Variants in MAPRE2 observed in about 807,000 individuals in gnomAD.
The protein encoded by MAPRE2 is microtubule associated protein RP/EB family member 2.
In MAPRE2, 13 loss-of-function variants were observed where a neutral mutation model predicts 43.2. That is an observed-to-expected ratio of 0.30 (90% confidence interval 0.20 to 0.48). The LOEUF is 0.48. MAPRE2 is among the 20% of genes least tolerant of loss of function. The probability of loss-of-function intolerance (pLI) is 0.99; values close to 1 mark genes in which losing one functional copy is unlikely to be tolerated. For synonymous variants in MAPRE2, 135 were observed against 148.8 expected, an observed-to-expected ratio of 0.91 and a Z score of 0.68; for missense variants, 161 against 400.2, an observed-to-expected ratio of 0.40 and a Z score of 5.10.
intron 4 of MAPRE2, among the ~76,000 whole-genome samples, chr18:35,119,305 C>T (rs1909564868): frequency 6.6e-6 from 1 of 152,208 alleles, no homozygotes; most frequent in African/African-American, 2.4e-5. Flanking sequence ...TTAGGCCTTC[C>T]ATGAAATTCC....
upstream of MAPRE2, among the ~76,000 whole-genome samples, chr18:35,038,215 C>T (rs2097051685): frequency 6.6e-6 from 1 of 152,204 alleles, no homozygotes; most frequent in Non-Finnish European, 1.5e-5. Flanking sequence ...ACCACCATCA[C>T]AAACTCAGCC....
chr18:35,027,572 C>A (rs2097045905), intron 2 of MAPRE2, among the ~76,000 whole-genome samples: 1 of 152,140 alleles, frequency 6.6e-6, no homozygotes, highest in African/African-American at 2.4e-5. Context: ...CCATGGGTGA[C>A]AACCACCTAG....
intron 1 of MAPRE2, among the ~76,000 whole-genome samples, chr18:34,996,570 C>T (rs1475807426): frequency 6.6e-6 from 1 of 152,020 alleles, no homozygotes; most frequent in Non-Finnish European, 1.5e-5. Flanking sequence ...ACTCAAGAGT[C>T]CCAGCTTCAA....
intron 4 of MAPRE2, among the ~76,000 whole-genome samples, chr18:35,105,844 T>C (rs1455550438): frequency 6.6e-6 from 1 of 152,098 alleles, no homozygotes; most frequent in African/African-American, 2.4e-5. Flanking sequence ...TTCCATTGCC[T>C]CTCAGTAGTC....
At chr18:35,113,118 G>C (rs1395650378) in intron 4 of MAPRE2, among the ~76,000 whole-genome samples, 1 of 152,104 alleles carries the variant, frequency 6.6e-6, no homozygotes, top group Non-Finnish European at 1.5e-5. Flanking sequence ...ATCTGGGGGG[G>C]AACACAAACA....
chr18:35,121,961 C>CTAG lies in MAPRE2; in HGVS notation c.611-4985_611-4983dup, dbSNP rs568908519. ...GCAGTTTTGTGAGAACATTCTTGTT[C>CTAG]TAGTGCCCAGGTAAGGGGGAAAGAG... On this transcript the variant is annotated intron_variant, in intron 4 of 6. Transcript: ENST00000300249. Among the ~76,000 whole-genome samples, 57 of 152,262 alleles carry CTAG rather than the reference C, an allele frequency of 3.7e-4. No individual in the cohort carries two copies. In the East Asian group the frequency reaches 0.011, roughly 28 times the overall value.
At chr18:35,096,189 C>T (rs1328755099) in intron 2 of MAPRE2, among the ~76,000 whole-genome samples, 2 of 152,036 alleles carry the variant, frequency 1.3e-5, no homozygotes, top group African/African-American at 2.4e-5. Context: ...AGGACTGGCT[C>T]TTCACAGAAG....
intron 2 of MAPRE2, among the ~76,000 whole-genome samples, chr18:35,080,915 TTA>T (rs1907599264): frequency 6.6e-6 from 1 of 152,160 alleles, no homozygotes; most frequent in South Asian, 2.1e-4. Flanking sequence ...TACCCAAATA[TTA>T]ATACTCATAA....
chr18:35,096,217 A>G (rs1211515060), intron 2 of MAPRE2, among the ~76,000 whole-genome samples: 1 of 152,120 alleles, frequency 6.6e-6, no homozygotes, highest in Non-Finnish European at 1.5e-5. Context: ...AGTGTAAAGG[A>G]TGAGGGGAGG....
Position 35,061,665 on chromosome 18 carries a change from C to T in MAPRE2, c.123-8530C>T, listed in dbSNP as rs1168258614. On this transcript the variant is annotated intron_variant, in intron 1 of 6. Coordinates refer to ENST00000300249, the MANE Select transcript of MAPRE2 (RefSeq NM_014268.4). ...ATTCCAGCCCTAGAATCCATGCATA[C>T]GGCAATTAGTCCACAAGTTAAACAG... 3.9e-5 allele frequency among the ~76,000 whole-genome samples: 6 copies of T among 152,290 alleles called. No homozygotes were observed. The East Asian group carries it at 5.8e-4, about 15-fold the overall frequency.
chr18:35,107,646 G>C (rs1908968396), intron 4 of MAPRE2, among the ~76,000 whole-genome samples: 1 of 152,092 alleles, frequency 6.6e-6, no homozygotes, highest in South Asian at 2.1e-4. Context: ...TTGGTCAGCG[G>C]ACCACATGCA....
chr18:35,054,243 C>T (rs181781746), intron 1 of MAPRE2, among the ~76,000 whole-genome samples: 2 of 152,312 alleles, frequency 1.3e-5, no homozygotes, highest in East Asian at 3.9e-4. Context: ...AAAGGATCGA[C>T]TGAGGGACCT....
chr18:35,036,940 A>G (rs1291285912), upstream of MAPRE2, among the ~76,000 whole-genome samples: 1 of 152,188 alleles, frequency 6.6e-6, no homozygotes, highest in Non-Finnish European at 1.5e-5. Context: ...AAAATGAACT[A>G]TAAAGAAAAA....
At chr18:35,055,918 G>A (rs1351492738) in intron 1 of MAPRE2, among the ~76,000 whole-genome samples, 2 of 150,258 alleles carry the variant, frequency 1.3e-5, no homozygotes, top group African/African-American at 2.5e-5. Flanking sequence ...TCATGCAACT[G>A]CACTGCAGCC....
chr18:35,004,039 TATTA>T (rs1176685031), intron 1 of MAPRE2, among the ~76,000 whole-genome samples: 35 of 152,344 alleles, frequency 2.3e-4, no homozygotes, highest in Admixed American at 2.3e-3. Flanking sequence ...AGCCCAAGTT[TATTA>T]ATTATTTTTG....
chr18:35,121,304 C>T (rs891536152), intron 4 of MAPRE2, among the ~76,000 whole-genome samples: 4 of 152,196 alleles, frequency 2.6e-5, no homozygotes, highest in Admixed American at 6.5e-5. Flanking sequence ...CTGACCACTC[C>T]GAATTTTTTT....
rs1398759626 is a variant in MAPRE2, at chr18:35,142,574, T to C, written c.*2205T>C. On this transcript the variant is annotated 3_prime_UTR_variant, in exon 7 of 7. Transcript: ENST00000300249. ...AGATCTCTTAGCCTGCAAAGAGAAC[T>C]TTCCCCAGTCACCATAGACCATTCT... is the stretch of plus-strand genomic sequence containing the variant. The C allele has an allele frequency of 6.6e-6, 1 of 152,250 alleles. No individual in the cohort carries two copies. Among genetic ancestry groups the C allele is most frequent in the African/African-American group, 2.4e-5 (1 of 41,448 alleles). The allele number at this position is 152,250 out of a possible 1,614,324, so 9.4% of individuals were successfully genotyped here.
chr18:35,130,065 G>A (rs1466351486), intron 5 of MAPRE2, among the ~76,000 whole-genome samples: 3 of 152,054 alleles, frequency 2.0e-5, no homozygotes, highest in Non-Finnish European at 4.4e-5. Flanking sequence ...CCTCAGCTAT[G>A]TGTTCATTGT....
intron 1 of MAPRE2, among the ~76,000 whole-genome samples, chr18:35,001,640 A>G (rs1018777382): frequency 1.3e-5 from 2 of 152,216 alleles, no homozygotes; most frequent in Non-Finnish European, 2.9e-5. Context: ...GAATAACAGC[A>G]AAGAAAATTC....
Sources: gnomAD v4.1 joint callset for allele counts (sites outside exome capture counted in the v4.1 genomes callset) on GRCh38, gnomAD v4.1.1 for gene constraint, MANE v1.5 for transcripts, NCBI Gene and HGNC (gene_info 2026-07-23, HGNC 2026-07-21) for gene names.